P2RY2: variants seen among roughly 807,000 people sequenced by gnomAD.
The protein encoded by P2RY2 is purinergic receptor P2Y2, also known as P2Y purinoceptor 2.
For missense variants in P2RY2, 567 were observed against 515.7 expected (o/e 1.10, Z -0.96); for synonymous variants, 241 against 231.9 (o/e 1.04, Z -0.35).
Position 73,234,595 on chromosome 11 carries a change from C to G in P2RY2, c.436C>G (p.Arg146Gly), listed in dbSNP as rs146599903. 4.7e-4 allele frequency: 740 copies of G among 1,569,830 alleles called. No homozygotes were observed. The highest frequency in any genetic ancestry group is 6.0e-4 in the Non-Finnish European group (691 of 1,157,060). Residue 146 changes from arginine to glycine, a missense_variant, in exon 3 of 3, where the codon CGG (arginine) becomes GGG (glycine). By Grantham distance (125) the Arg-to-Gly change is moderately radical (BLOSUM62 -2). Transcript: ENST00000393597. ...LRPLRSLRWG[R>G]ARYARRVAGA... ...ACCTCTGCGCTCCCTGCGCTGGGGC[C>G]GGGCCCGCTACGCTCGCCGGGTGGC...
intron 1 of P2RY2, among the ~76,000 whole-genome samples, chr11:73,221,965 G>A (rs1030035550): frequency 6.6e-6 from 1 of 152,164 alleles, no homozygotes; most frequent in African/African-American, 2.4e-5. Context: ...AGTTGGTTCT[G>A]GAGCAGAGGA....
chr11:73,229,135 G>C (rs1302920435), intron 2 of P2RY2, among the ~76,000 whole-genome samples: 7 of 152,226 alleles, frequency 4.6e-5, no homozygotes, highest in Non-Finnish European at 1.5e-5. Flanking sequence ...TGTTGGGGTA[G>C]AGGATGGAAG....
intron 2 of P2RY2, among the ~76,000 whole-genome samples, chr11:73,232,011 T>C (rs1862474169): frequency 6.6e-6 from 1 of 152,134 alleles, no homozygotes; most frequent in African/African-American, 2.4e-5. Flanking sequence ...GATCAGGCCA[T>C]TGTACTCCAG....
In P2RY2 at chr11:73,238,317, C is replaced by T. The variant is rs1431322774; in HGVS notation, c.*3024C>T. Among the ~76,000 whole-genome samples, 1 of 152,270 alleles carries T rather than the reference C, an allele frequency of 6.6e-6. No individual in the cohort carries two copies. The highest frequency in any genetic ancestry group is 2.4e-5 in the African/African-American group (1 of 41,542). On this transcript the variant is annotated 3_prime_UTR_variant, in exon 3 of 3. Coordinates refer to ENST00000393597, the MANE Select transcript of P2RY2 (RefSeq NM_002564.4). Reference sequence around the variant, plus strand: ...TGCTGATGTGCCTGCAGCAGCTGTTCTCAATGAACTGCATGACATCAGGGC... The same window carrying T: ...TGCTGATGTGCCTGCAGCAGCTGTTTTCAATGAACTGCATGACATCAGGGC...
At chr11:73,225,236 T>G (rs1862245178) in intron 1 of P2RY2, among the ~76,000 whole-genome samples, 1 of 152,206 alleles carries the variant, frequency 6.6e-6, no homozygotes, top group Admixed American at 6.5e-5. Context: ...AATTCTGCAG[T>G]GGCCTGGGAG....
rs1862763617 is a variant in P2RY2, at chr11:73,241,039, TG to T, written c.*5747del. Reference sequence around the variant, plus strand: ...GTGCAGCCCTCATGAATGGGTTTAGTGCCCTTACAGAATGGACCCCAGAGAG... The same window carrying T: ...GTGCAGCCCTCATGAATGGGTTTAGTCCCTTACAGAATGGACCCCAGAGAG... On this transcript the variant is annotated 3_prime_UTR_variant, in exon 3 of 3. Coordinates refer to ENST00000393597, the MANE Select transcript of P2RY2 (RefSeq NM_002564.4). 6.6e-6 allele frequency: 1 copy of T among 152,178 alleles called. No individual in the cohort carries two copies. The highest frequency in any genetic ancestry group is 2.4e-5 in the African/African-American group (1 of 41,434). The allele number at this position is 152,178 out of a possible 1,614,324, so 9.4% of individuals were successfully genotyped here.
chr11:73,233,140 C>G (rs1160683190), intron 2 of P2RY2, among the ~76,000 whole-genome samples: 1 of 152,176 alleles, frequency 6.6e-6, no homozygotes, highest in East Asian at 1.9e-4. Flanking sequence ...AAGAAGATCC[C>G]TTGGCCCCCT....
chr11:73,228,959 G>A (rs1213915180), intron 2 of P2RY2, among the ~76,000 whole-genome samples: 2 of 152,002 alleles, frequency 1.3e-5, no homozygotes, highest in African/African-American at 2.4e-5. Flanking sequence ...GCCTGTGTGT[G>A]CCTCCTCTGG....
chr11:73,238,639 C>T lies in P2RY2; in HGVS notation c.*3346C>T, dbSNP rs1303409887. 1.3e-5 allele frequency among the ~76,000 whole-genome samples: 2 copies of T among 152,146 alleles called. No individual in the cohort carries two copies. The highest frequency in any genetic ancestry group is 2.9e-5 in the Non-Finnish European group (2 of 68,022). ...CATCTATGTTATATGGTGGATGCTT[C>T]ACAGAAGCCCTGGGAAGTAGATGCT... On this transcript the variant is annotated 3_prime_UTR_variant, in exon 3 of 3. Transcript: ENST00000393597.
rs1256902033 is a variant in P2RY2 at position 73,228,184 on chromosome 11, G to C, written c.-5+9G>C. On this transcript the variant is annotated intron_variant, in intron 2 of 2. Transcript: ENST00000393597. The stretch of plus-strand genomic sequence containing the variant: ...GAGCAGGGGCTGGTCAGGTACGTGG[G>C]GTGGGGGTGGGGGGGAGCGGGTACG... 537 of 124,242 alleles carry C rather than the reference G, an allele frequency of 4.3e-3. 12 individuals are homozygous for C. The highest frequency in any genetic ancestry group is 0.016 in the African/African-American group (503 of 31,516). 7.7% of individuals were successfully genotyped at this position (124,242 alleles called of 1,614,324 possible).
intron 1 of P2RY2, among the ~76,000 whole-genome samples, chr11:73,227,765 C>CGGCCT: frequency 6.6e-6 from 1 of 152,200 alleles, no homozygotes; most frequent in Non-Finnish European, 1.5e-5. Context: ...CTGTGAAAGG[C>CGGCCT]GGCCTGGGGA....
In P2RY2 at chr11:73,235,303, A is replaced by G; in HGVS notation, c.*10A>G. 6.5e-7 allele frequency: 1 copy of G among 1,532,726 alleles called. No individual in the cohort carries two copies. Among genetic ancestry groups the G allele is most frequent in the South Asian group, 1.3e-5 (1 of 77,980 alleles). The allele number at this position is 1,532,726 out of a possible 1,614,324, so 94.9% of individuals were successfully genotyped here. A position where few individuals can be genotyped will look rare whatever the true frequency, so the allele number is the denominator to read the frequency against. ...GGACATTCGGCTGTAGGAGCAGAAC[A>G]CTTCAGCCTGTGCAGGTTTATATTG... On this transcript the variant is annotated 3_prime_UTR_variant, in exon 3 of 3. Transcript: ENST00000393597.
At chr11:73,225,534 G>C (rs1862252944) in intron 1 of P2RY2, among the ~76,000 whole-genome samples, 1 of 152,244 alleles carries the variant, frequency 6.6e-6, no homozygotes. Context: ...GACAGGCAGA[G>C]AGCTGTGGGG....
Position 73,235,962 on chromosome 11 carries a change from T to C in P2RY2, c.*669T>C. ...TGTGCCCTATTGTGTGGTCGGGGGA[T>C]GAGGATATGGCAGGGAAGCTTTCAC... On this transcript the variant is annotated 3_prime_UTR_variant, in exon 3 of 3. Coordinates refer to ENST00000393597, the MANE Select transcript of P2RY2 (RefSeq NM_002564.4). 1 of 1,000,338 alleles carries C rather than the reference T, an allele frequency of 1.0e-6. No individual in the cohort carries two copies. Among genetic ancestry groups the C allele is most frequent in the Non-Finnish European group, 1.2e-6 (1 of 830,042 alleles). The allele number at this position is 1,000,338 out of a possible 1,614,324, so 62.0% of individuals were successfully genotyped here.
At chr11:73,229,530 G>A (rs952717633) in intron 2 of P2RY2, among the ~76,000 whole-genome samples, 9 of 152,190 alleles carry the variant, frequency 5.9e-5, no homozygotes, top group Middle Eastern at 3.4e-3. Flanking sequence ...CTAAGGCAGG[G>A]CTAGGAAAGA....
In P2RY2 at chr11:73,239,463, C is replaced by T. The variant is rs1243090230; in HGVS notation, c.*4170C>T. 6.6e-6 allele frequency: 1 copy of T among 152,332 alleles called. No individual in the cohort carries two copies. Among genetic ancestry groups the T allele is most frequent in the African/African-American group, 2.4e-5 (1 of 41,464 alleles). The allele number at this position is 152,332 out of a possible 1,614,324, so 9.4% of individuals were successfully genotyped here. A position where few individuals can be genotyped will look rare whatever the true frequency, so the allele number is the denominator to read the frequency against. On this transcript the variant is annotated 3_prime_UTR_variant, in exon 3 of 3. Transcript: ENST00000393597. The stretch of plus-strand genomic sequence containing the variant: ...GGCCCCTAGTAGCAAGCTTCAGAAA[C>T]TTGCCACTTCAGGCTAGAGAGCTCG...
Position 73,234,698 on chromosome 11 carries a change from G to T in P2RY2, c.539G>T (p.Arg180Leu). The part of the protein sequence containing the change: ...YFVTTSARGG[R>L]VTCHDTSAPE... ...GTCACCACCAGCGCGCGCGGGGGCCGCGTAACCTGCCACGACACCTCGGCA... is the reference window on the plus strand; with the variant it reads ...GTCACCACCAGCGCGCGCGGGGGCCTCGTAACCTGCCACGACACCTCGGCA... Residue 180 changes from arginine to leucine, a missense_variant, in exon 3 of 3, where the codon CGC (arginine) becomes CTC (leucine). Arg to Leu is a moderately radical substitution (Grantham distance 102). Coordinates refer to ENST00000393597, the MANE Select transcript of P2RY2 (RefSeq NM_002564.4). The T allele has an allele frequency of 6.2e-7, 1 of 1,605,356 alleles. No homozygotes were observed. The highest frequency in any genetic ancestry group is 1.1e-5 in the South Asian group (1 of 90,912).
In P2RY2 at chr11:73,235,909, A is replaced by G; in HGVS notation, c.*616A>G. 1.0e-6 allele frequency: 1 copy of G among 1,000,376 alleles called. No homozygotes were observed. The highest frequency in any genetic ancestry group is 1.2e-6 in the Non-Finnish European group (1 of 830,066). 62.0% of individuals were successfully genotyped at this position (1,000,376 alleles called of 1,614,324 possible). ...AGGAGCCAGTGTGAGGCTGTAACTT[A>G]TACTAAAGGTTGTGTTGCCTGCTGA... is the stretch of plus-strand genomic sequence containing the variant. On this transcript the variant is annotated 3_prime_UTR_variant, in exon 3 of 3. Transcript: ENST00000393597.
chr11:73,224,159 G>T (rs558406396), intron 1 of P2RY2, among the ~76,000 whole-genome samples: 1 of 152,198 alleles, frequency 6.6e-6, no homozygotes, highest in African/African-American at 2.4e-5. Context: ...TGGTGCTCCC[G>T]GTGCAGAAGC....
Sources: gnomAD v4.1 joint callset for allele counts (sites outside exome capture counted in the v4.1 genomes callset) on GRCh38, gnomAD v4.1.1 for gene constraint, MANE v1.5 for transcripts, NCBI Gene and HGNC (gene_info 2026-07-23, HGNC 2026-07-21) for gene names.